USB1: variants seen among roughly 807,000 people sequenced by gnomAD.
USB1 encodes U6 snRNA phosphodiesterase 1.
A neutral mutation model predicts 29.9 loss-of-function variants in USB1; 21 were observed. That is an observed-to-expected ratio of 0.70 (90% CI 0.50 to 1.01). The LOEUF (loss-of-function observed/expected upper bound fraction) is 1.01. Ranked by LOEUF, USB1 falls within the 50% of genes least tolerant of loss-of-function variation. The pLI is 0.00. For missense variants in USB1, 330 were observed against 347.1 expected (o/e 0.95, Z 0.39); for synonymous variants, 143 against 134.9 (o/e 1.06, Z -0.42).
chr16:58,018,863 G>A (rs1963677876), intron 5 of USB1, 109 bp from the exon 6 acceptor site: 3 of 1,089,534 alleles, frequency 2.8e-6, no homozygotes, highest in African/African-American at 1.6e-5. Context: ...CCACTGGGCA[G>A]GCCAGGGATC....
In USB1 at chr16:58,020,671, G is replaced by C. The variant is rs1171596792; in HGVS notation, c.*426G>C. On this transcript the variant is annotated 3_prime_UTR_variant, in exon 7 of 7. Transcript: ENST00000219281. ...TTCCTCTCCTCTCTCTTCCCTTCCT[G>C]TCTCTCTTCCCCTCCTCTCTCTCTT... 1.9e-5 allele frequency: 4 copies of C among 212,284 alleles called. No homozygotes were observed. The highest frequency in any genetic ancestry group is 3.4e-5 in the Non-Finnish European group (4 of 116,646). 13.2% of individuals were successfully genotyped at this position (212,284 alleles called of 1,614,324 possible). A position where few individuals can be genotyped will look rare whatever the true frequency, so the allele number is the denominator to read the frequency against.
At chr16:58,004,180 T>C (rs916032914) in intron 2 of USB1, among the ~76,000 whole-genome samples, 1 of 152,248 alleles carries the variant, frequency 6.6e-6, no homozygotes, top group East Asian at 1.9e-4. Context: ...ATCCAGTTAT[T>C]CCAGCACCAT....
chr16:58,003,554 A>G (rs1375390713), intron 2 of USB1, among the ~76,000 whole-genome samples: 1 of 152,180 alleles, frequency 6.6e-6, no homozygotes, highest in Non-Finnish European at 1.5e-5. Context: ...GAGTTTAGCC[A>G]TTCTAATAGG....
At chr16:58,016,310 A>G (rs1274638563) in intron 4 of USB1, 2 of 152,240 alleles carry the variant, frequency 1.3e-5, no homozygotes, top group African/African-American at 4.8e-5. Flanking sequence ...TTCTGTGATA[A>G]GAGACACTGG....
Position 58,018,458 on chromosome 16 carries a change from A to G in USB1, c.610-514A>G, listed in dbSNP as rs1259760204. ...AGGCTGGTCTCAAACTCCTGACCTC[A>G]GGTGATCTGCCTGCCTTGGCCTCTC... On this transcript the variant is annotated intron_variant, in intron 5 of 6. Transcript: ENST00000219281. 4.6e-5 allele frequency among the ~76,000 whole-genome samples: 7 copies of G among 152,082 alleles called. No individual in the cohort carries two copies. The East Asian group carries it at 9.6e-4, about 21-fold the overall frequency.
Position 58,002,545 on chromosome 16 carries a change from C to T in USB1, c.165C>T (p.Gly55=), listed in dbSNP as rs756831751. 8 of 1,614,030 alleles carry T rather than the reference C, an allele frequency of 5.0e-6. No individual in the cohort carries two copies. The Admixed American group carries it at 6.7e-5, about 13-fold the overall frequency. Residue 55 remains glycine (G), a synonymous_variant, in exon 2 of 7, where the codon GGC becomes GGT. Coordinates refer to ENST00000219281, the MANE Select transcript of USB1 (RefSeq NM_024598.4). ...ACAGTGTGCTGAACATGTTCCCGGG[C>T]ACCGAGGAGGGGCCTGAAGATGACA... The part of the protein sequence containing the change: ...VPDSVLNMFP[G]TEEGPEDDST...
At chr16:58,018,508 G>A (rs1166044561) in intron 5 of USB1, among the ~76,000 whole-genome samples, 1 of 152,152 alleles carries the variant, frequency 6.6e-6, no homozygotes, top group Non-Finnish European at 1.5e-5. Flanking sequence ...ACAGGTGTGA[G>A]CCACTGCACC....
At position 58,019,072 on chromosome 16, in the gene USB1, G is replaced by A. The variant is rs1963684135; in HGVS notation, c.693+17G>A. 1 of 1,613,136 alleles carries A rather than the reference G, an allele frequency of 6.2e-7. No homozygotes were observed. The highest frequency in any genetic ancestry group is 8.5e-7 in the Non-Finnish European group (1 of 1,179,452). On this transcript the variant is annotated intron_variant, in intron 6 of 6. Transcript: ENST00000219281. ...GAACTACAGGTGAATTTCCAGGGCGGGAGCACAGAGGGCGCTGAACTCCAG... is the reference window on the plus strand; with the variant it reads ...GAACTACAGGTGAATTTCCAGGGCGAGAGCACAGAGGGCGCTGAACTCCAG...
chr16:58,007,090 C>T (rs997083084), intron 2 of USB1, among the ~76,000 whole-genome samples: 2 of 152,134 alleles, frequency 1.3e-5, no homozygotes, highest in South Asian at 2.1e-4. Context: ...GCATTATTCT[C>T]TTTATATGTT....
At chr16:58,012,171 C>T (rs763461960) in intron 3 of USB1, 126 of 1,446,678 alleles carry the variant, frequency 8.7e-5, no homozygotes, top group Non-Finnish European at 1.1e-4. Context: ...TTCTGAGGGC[C>T]AGAGGAGGAC....
intron 2 of USB1, among the ~76,000 whole-genome samples, chr16:58,006,423 G>C (rs1356313868): frequency 6.6e-6 from 1 of 151,374 alleles, no homozygotes; most frequent in Non-Finnish European, 1.5e-5. Context: ...ACTTTGGGAG[G>C]CCAAGGCGGG....
At chr16:58,014,837 GAGGCCAAGGTGGGCAGATCACCTGAGGTC>G (rs1392422667) in intron 4 of USB1, among the ~76,000 whole-genome samples, 1 of 152,112 alleles carries the variant, frequency 6.6e-6, no homozygotes, top group Non-Finnish European at 1.5e-5. Context: ...AGCACTTTGA[GAGGCCAAGGTGGGCAGATCACCTGAGGTC>G]AGGAGTTCGA....
chr16:58,017,232 G>T, intron 4 of USB1, 102 bp from the exon 5 acceptor site: 1 of 1,022,638 alleles, frequency 9.8e-7, no homozygotes, highest in Non-Finnish European at 1.6e-6. Flanking sequence ...TGAGACCCAC[G>T]GCCCAGGCCT....
chr16:58,018,924 C>T lies in USB1; in HGVS notation c.610-48C>T, dbSNP rs771451467. On this transcript the variant is annotated intron_variant, in intron 5 of 6. Coordinates refer to ENST00000219281, the MANE Select transcript of USB1 (RefSeq NM_024598.4). The stretch of plus-strand genomic sequence containing the variant: ...TCACAGACCTGCTGTGAGGGCAGGG[C>T]CTGCCAAGGCGTCCGGGTGACTGCC... The T allele has an allele frequency of 2.4e-5, 38 of 1,592,058 alleles. No homozygotes were observed. The South Asian group carries it at 4.0e-4, about 17-fold the overall frequency.
Position 58,019,063 on chromosome 16 carries a change from T to G in USB1, c.693+8T>G, listed in dbSNP as rs776498657. On this transcript the variant is annotated splice_region_variant and intron_variant, in intron 6 of 6. Transcript: ENST00000219281. ...TGCCTGCAGGAACTACAGGTGAATT[T>G]CCAGGGCGGGAGCACAGAGGGCGCT... 6.2e-7 allele frequency: 1 copy of G among 1,614,006 alleles called. No homozygotes were observed. The highest frequency in any genetic ancestry group is 1.1e-5 in the South Asian group (1 of 91,036).
In USB1 at chr16:58,011,135, C is replaced by A. The variant is rs1164092249; in HGVS notation, c.449+1023C>A. 8 of 1,330,810 alleles carry A rather than the reference C, an allele frequency of 6.0e-6. No homozygotes were observed. The African/African-American group carries it at 1.0e-4, about 17-fold the overall frequency. 82.4% of individuals were successfully genotyped at this position (1,330,810 alleles called of 1,614,324 possible). On this transcript the variant is annotated intron_variant, in intron 3 of 6. Coordinates refer to ENST00000219281, the MANE Select transcript of USB1 (RefSeq NM_024598.4). ...CAGGATCACAGACCAGATAATAGAA[C>A]AAAAGATGCTCCTAGCACCCCTGCT...
At chr16:58,017,011 T>C in intron 4 of USB1, 1 of 377,898 alleles carries the variant, frequency 2.6e-6, no homozygotes. Context: ...CATTTGCGAT[T>C]GGAATGATGA....
chr16:58,004,762 C>T (rs2142294241), intron 2 of USB1, among the ~76,000 whole-genome samples: 1 of 152,302 alleles, frequency 6.6e-6, no homozygotes, highest in South Asian at 2.1e-4. Flanking sequence ...GGTCCAGCCC[C>T]ACTGGGTCGG....
intron 2 of USB1, among the ~76,000 whole-genome samples, chr16:58,003,798 A>G (rs4784878): frequency 0.98 from 149,358 of 152,288 alleles, 73,252 homozygotes; most frequent in East Asian, 1. Flanking sequence ...CTAATATTGG[A>G]TCTTAAAATA....
Sources: gnomAD v4.1 joint callset for allele counts (sites outside exome capture counted in the v4.1 genomes callset) on GRCh38, gnomAD v4.1.1 for gene constraint, MANE v1.5 for transcripts, NCBI Gene and HGNC (gene_info 2026-07-23, HGNC 2026-07-21) for gene names.